Variants in DDX10 observed in about 807,000 individuals in gnomAD.
The protein encoded by DDX10 is probable ATP-dependent RNA helicase DDX10.
In DDX10, 74 loss-of-function variants were observed where a neutral mutation model predicts 104.3. The observed-to-expected ratio is 0.71, with a 90% CI of 0.59 to 0.86. The LOEUF (loss-of-function observed/expected upper bound fraction) is 0.86, where lower values mean the gene tolerates loss of function less well. DDX10 is among the 40% of genes least tolerant of loss of function. The pLI, the probability that DDX10 is intolerant of heterozygous loss-of-function variation, is 0.00. For synonymous variants in DDX10, 351 were observed against 353.4 expected, an observed-to-expected ratio of 0.99 and a Z score of 0.08; for missense variants, 952 against 1,040.0, an observed-to-expected ratio of 0.92 and a Z score of 1.16.
chr11:108,666,899 C>G (rs1345830363), intron 1 of DDX10, among the ~76,000 whole-genome samples: 1 of 152,218 alleles, frequency 6.6e-6, no homozygotes, highest in Non-Finnish European at 1.5e-5. Context: ...GGATCATTTT[C>G]AGCACCACAT....
chr11:108,871,878 A>C (rs1863086948), intron 16 of DDX10, among the ~76,000 whole-genome samples: 1 of 151,960 alleles, frequency 6.6e-6, no homozygotes, highest in Admixed American at 6.6e-5. Context: ...TGGTGAGCCA[A>C]GTTCATGCCA....
At chr11:108,875,097 C>A (rs989422037) in intron 16 of DDX10, among the ~76,000 whole-genome samples, 1 of 151,980 alleles carries the variant, frequency 6.6e-6, no homozygotes, top group African/African-American at 2.4e-5. Flanking sequence ...AGAGGTTTTG[C>A]CTATTTCAAG....
intron 8 of DDX10, among the ~76,000 whole-genome samples, chr11:108,693,081 G>A (rs185381015): frequency 2.0e-5 from 3 of 152,236 alleles, no homozygotes; most frequent in Non-Finnish European, 2.9e-5. Context: ...AGTGTGTGAT[G>A]TTCCTCTCCC....
intron 13 of DDX10, among the ~76,000 whole-genome samples, chr11:108,738,756 A>G (rs2094321364): frequency 6.6e-6 from 1 of 152,184 alleles, no homozygotes; most frequent in African/African-American, 2.4e-5. Flanking sequence ...AGAATTATGA[A>G]GAGTCTGAGA....
intron 13 of DDX10, among the ~76,000 whole-genome samples, chr11:108,726,313 C>T (rs1251520984): frequency 6.6e-6 from 1 of 152,034 alleles, no homozygotes; most frequent in Admixed American, 6.5e-5. Flanking sequence ...ATCTGTAAAT[C>T]TAACTGGAGA....
chr11:108,683,289 A>G (rs2094238094), intron 6 of DDX10, among the ~76,000 whole-genome samples: 1 of 152,128 alleles, frequency 6.6e-6, no homozygotes, highest in South Asian at 2.1e-4. Context: ...TGCTCTGTTT[A>G]GGGGTTGGCA....
intron 1 of DDX10, among the ~76,000 whole-genome samples, chr11:108,669,270 T>G (rs1291935562): frequency 6.6e-6 from 1 of 151,986 alleles, no homozygotes; most frequent in Non-Finnish European, 1.5e-5. Flanking sequence ...ATTTTTTTGG[T>G]AATTTTTGTA....
chr11:108,715,528 A>G lies in DDX10; in HGVS notation c.1323-351A>G, dbSNP rs536988259. Among the ~76,000 whole-genome samples, 12 of 152,332 alleles carry G rather than the reference A, an allele frequency of 7.9e-5. No individual in the cohort carries two copies. In the South Asian group the frequency reaches 2.5e-3, roughly 32 times the overall value. ...GAGGGAGCGGGGTGAGACCTCTTAA[A>G]AAAATTAGATTTAATTTATTCCATT... On this transcript the variant is annotated intron_variant, in intron 10 of 17. Coordinates refer to ENST00000322536, the MANE Select transcript of DDX10 (RefSeq NM_004398.4).
At chr11:108,732,961 G>C (rs955294271) in intron 13 of DDX10, among the ~76,000 whole-genome samples, 1 of 152,120 alleles carries the variant, frequency 6.6e-6, no homozygotes, top group Non-Finnish European at 1.5e-5. Context: ...AGACTGGGTA[G>C]ATTCCATTTT....
intron 17 of DDX10, chr11:108,921,187 C>T (rs1863820808): frequency 6.6e-6 from 1 of 152,114 alleles, no homozygotes; most frequent in South Asian, 2.1e-4. Flanking sequence ...TTCCATTTTT[C>T]TCCCTTTTCT....
intron 13 of DDX10, among the ~76,000 whole-genome samples, chr11:108,819,866 T>G (rs1202376598): frequency 6.6e-6 from 1 of 152,190 alleles, no homozygotes; most frequent in Admixed American, 6.5e-5. Flanking sequence ...CCCAAAGTGC[T>G]GGAGATTACA....
intron 13 of DDX10, among the ~76,000 whole-genome samples, chr11:108,756,539 G>A (rs2094344674): frequency 6.6e-6 from 1 of 152,016 alleles, no homozygotes; most frequent in Non-Finnish European, 1.5e-5. Flanking sequence ...TTTGTCTGTT[G>A]ATTTAAGATA....
At chr11:108,838,250 A>G in intron 13 of DDX10, 196 bp from the exon 14 acceptor site, 2 of 444,394 alleles carry the variant, frequency 4.5e-6, no homozygotes, top group Non-Finnish European at 7.8e-6. Context: ...TAATGCTTAA[A>G]CTCTTTTAGG....
chr11:108,869,710 A>G lies in DDX10; in HGVS notation c.2304+17501A>G, dbSNP rs192458222. Among the ~76,000 whole-genome samples the G allele has an allele frequency of 9.2e-5, 14 of 152,006 alleles. No homozygotes were observed. The East Asian group carries it at 2.5e-3, about 27-fold the overall frequency. ...TTTATGAGTCAGTATATCGATACTG[A>G]CTCAAAATAATGCTTTCTGCAATGT... On this transcript the variant is annotated intron_variant, in intron 16 of 17. Transcript: ENST00000322536.
At chr11:108,784,724 T>C (rs1861763668) in intron 13 of DDX10, among the ~76,000 whole-genome samples, 1 of 152,200 alleles carries the variant, frequency 6.6e-6, no homozygotes, top group Admixed American at 6.5e-5. Context: ...TTTTTGTTTT[T>C]GTTACAATTG....
chr11:108,939,965 A>G (rs2134682563), intron 17 of DDX10, among the ~76,000 whole-genome samples: 1 of 152,260 alleles, frequency 6.6e-6, no homozygotes, highest in Non-Finnish European at 1.5e-5. Flanking sequence ...GGTGCATCTC[A>G]GTGTCCTCAA....
intron 17 of DDX10, among the ~76,000 whole-genome samples, chr11:108,924,110 A>G (rs550103865): frequency 3.9e-4 from 59 of 152,274 alleles, no homozygotes; most frequent in African/African-American, 1.3e-3. Context: ...AGTATTAAAT[A>G]CAATGAAAAA....
chr11:108,810,339 G>A (rs2726873), intron 13 of DDX10, among the ~76,000 whole-genome samples: 28,764 of 151,942 alleles, frequency 0.19, 3,047 homozygotes, highest in East Asian at 0.3. Flanking sequence ...TATTCCTTTC[G>A]AACCTATTGG....
chr11:108,732,420 G>T (rs2094313418), intron 13 of DDX10, among the ~76,000 whole-genome samples: 1 of 152,182 alleles, frequency 6.6e-6, no homozygotes. Context: ...GGTAATGTCA[G>T]TGTAATTGAC....
Sources: allele counts gnomAD v4.1 joint callset (sites outside exome capture counted in the v4.1 genomes callset), GRCh38; gene constraint gnomAD v4.1.1; transcripts MANE v1.5; gene names NCBI Gene and HGNC (gene_info 2026-07-23, HGNC 2026-07-21).